CWC27: variants seen among roughly 807,000 people sequenced by gnomAD.
CWC27 encodes spliceosome-associated protein CWC27 homolog.
CWC27 carries 47 observed loss-of-function variants against 63.6 expected under a neutral mutation model. The ratio of observed to expected loss-of-function variants is 0.74; its 90% confidence interval spans 0.58 to 0.94. CWC27 has a LOEUF of 0.94. CWC27 is among the 40% of genes least tolerant of loss of function. CWC27 has a pLI of 0.00. For synonymous variants in CWC27, 175 were observed against 179.8 expected (o/e 0.97, Z 0.22); for missense variants, 495 against 554.3 (o/e 0.89, Z 1.07).
chr5:64,793,400 A>G (rs770644313), intron 7 of CWC27, among the ~76,000 whole-genome samples: 7 of 152,170 alleles, frequency 4.6e-5, no homozygotes, highest in African/African-American at 7.2e-5. Context: ...TACTGTTGAA[A>G]TTTACTGGCT....
intron 11 of CWC27, among the ~76,000 whole-genome samples, chr5:64,891,012 C>G (rs1747219443): frequency 6.6e-6 from 1 of 152,072 alleles, no homozygotes; most frequent in South Asian, 2.1e-4. Flanking sequence ...CGCCAACCAG[C>G]TGACACTAGG....
intron 7 of CWC27, among the ~76,000 whole-genome samples, chr5:64,798,081 G>A (rs1389877198): frequency 6.6e-6 from 1 of 152,152 alleles, no homozygotes; most frequent in Non-Finnish European, 1.5e-5. Flanking sequence ...CAGAGATGCA[G>A]GAGGAAGGAA....
intron 2 of CWC27, among the ~76,000 whole-genome samples, chr5:64,776,653 T>C (rs917521521): frequency 1.3e-5 from 2 of 152,136 alleles, no homozygotes; most frequent in African/African-American, 2.4e-5. Flanking sequence ...ACAAGGATAC[T>C]CCTAAATAAG....
intron 11 of CWC27, among the ~76,000 whole-genome samples, chr5:64,910,915 G>C (rs1158408376): frequency 6.6e-6 from 1 of 152,200 alleles, no homozygotes; most frequent in Non-Finnish European, 1.5e-5. Flanking sequence ...TCCCAGGTGA[G>C]ACAATGGCCC....
intron 10 of CWC27, among the ~76,000 whole-genome samples, chr5:64,814,504 T>A (rs1460297442): frequency 6.6e-6 from 1 of 152,184 alleles, no homozygotes; most frequent in Non-Finnish European, 1.5e-5. Flanking sequence ...TTCCCTAATA[T>A]AACTTCCACA....
chr5:64,882,246 A>G (rs1746956535), intron 10 of CWC27, among the ~76,000 whole-genome samples: 1 of 152,230 alleles, frequency 6.6e-6, no homozygotes, highest in Non-Finnish European at 1.5e-5. Flanking sequence ...TCCAAGGGAA[A>G]TTTAAAGTCT....
intron 6 of CWC27, among the ~76,000 whole-genome samples, chr5:64,787,529 T>C (rs184590731): frequency 1.6e-3 from 247 of 151,920 alleles, no homozygotes; most frequent in Non-Finnish European, 2.8e-3. Context: ...TATTTAACTT[T>C]TTACTCCTTT....
chr5:64,777,917 T>A (rs748676033), intron 2 of CWC27, among the ~76,000 whole-genome samples: 14 of 152,192 alleles, frequency 9.2e-5, no homozygotes, highest in Non-Finnish European at 2.1e-4. Context: ...GAATACAAAG[T>A]TATAGTGTAG....
chr5:64,889,971 C>T (rs1747187051), intron 11 of CWC27, among the ~76,000 whole-genome samples: 1 of 152,110 alleles, frequency 6.6e-6, no homozygotes, highest in African/African-American at 2.4e-5. Flanking sequence ...ACTATATAAT[C>T]CTTTTCATTA....
chr5:64,804,456 C>G lies in CWC27; in HGVS notation c.938+70C>G, dbSNP rs1561414889. 3 of 1,371,928 alleles carry G rather than the reference C, an allele frequency of 2.2e-6. No individual in the cohort carries two copies. In the Admixed American group the frequency reaches 7.2e-5, roughly 33 times the overall value. The allele number at this position is 1,371,928 out of a possible 1,614,324, so 85.0% of individuals were successfully genotyped here. On this transcript the variant is annotated intron_variant, in intron 10 of 13. Transcript: ENST00000381070. ...TATTTCACTTTAATTCAGATTGAAT[C>G]CTCTCTTCAGCTAATTTTTAAAATA...
At chr5:65,017,526 G>A (rs1324608263) in intron 13 of CWC27, among the ~76,000 whole-genome samples, 1 of 152,200 alleles carries the variant, frequency 6.6e-6, no homozygotes, top group Non-Finnish European at 1.5e-5. Context: ...TTTTGATGAA[G>A]TAAGAAAGCA....
At chr5:65,015,819 G>C (rs1750039207) in intron 13 of CWC27, among the ~76,000 whole-genome samples, 1 of 152,178 alleles carries the variant, frequency 6.6e-6, no homozygotes, top group African/African-American at 2.4e-5. Flanking sequence ...TTGGGGTCAG[G>C]AATTGTTTAG....
intron 11 of CWC27, among the ~76,000 whole-genome samples, chr5:64,898,037 T>A (rs559397688): frequency 6.6e-6 from 1 of 152,258 alleles, no homozygotes; most frequent in Admixed American, 6.5e-5. Context: ...ATTAACAAGT[T>A]TGATATAATG....
intron 10 of CWC27, among the ~76,000 whole-genome samples, chr5:64,807,244 T>C (rs1252899241): frequency 6.6e-6 from 1 of 152,200 alleles, no homozygotes; most frequent in East Asian, 1.9e-4. Flanking sequence ...AAACGTGTGG[T>C]ATTGCTTCTA....
intron 13 of CWC27, among the ~76,000 whole-genome samples, chr5:65,012,968 A>C (rs928123930): frequency 6.6e-6 from 1 of 152,182 alleles, no homozygotes; most frequent in African/African-American, 2.4e-5. Context: ...TGGCACTGAT[A>C]GTTTTTAAAG....
intron 11 of CWC27, among the ~76,000 whole-genome samples, chr5:64,916,618 G>T (rs1198355415): frequency 6.6e-6 from 1 of 152,030 alleles, no homozygotes; most frequent in Non-Finnish European, 1.5e-5. Flanking sequence ...CTTCTTTCCA[G>T]CCTGTTTGAA....
chr5:64,904,302 AC>A (rs1747573663), intron 11 of CWC27, among the ~76,000 whole-genome samples: 1 of 152,246 alleles, frequency 6.6e-6, no homozygotes, highest in Non-Finnish European at 1.5e-5. Flanking sequence ...GCTTAAAAAA[AC>A]ATTAAGTTTT....
chr5:64,874,159 T>C (rs1422343964), intron 10 of CWC27, among the ~76,000 whole-genome samples: 1 of 55,678 alleles, frequency 1.8e-5, no homozygotes, highest in African/African-American at 9.7e-5. Flanking sequence ...TGATGCTTTT[T>C]TTTTTTTTTT....
intron 10 of CWC27, among the ~76,000 whole-genome samples, chr5:64,831,354 ACACT>A (rs564647209): frequency 3.3e-5 from 5 of 151,622 alleles, no homozygotes; most frequent in South Asian, 2.1e-4. Flanking sequence ...GTATATATAC[ACACT>A]CACTCACACT....
Sources: gnomAD v4.1 joint callset for allele counts (sites outside exome capture counted in the v4.1 genomes callset) on GRCh38, gnomAD v4.1.1 for gene constraint, MANE v1.5 for transcripts, NCBI Gene and HGNC (gene_info 2026-07-23, HGNC 2026-07-21) for gene names.